Variants in PAPPA2 observed in about 807,000 individuals in gnomAD.
The protein encoded by PAPPA2 is pappalysin-2.
PAPPA2 carries 86 observed loss-of-function variants against 176.4 expected under a neutral mutation model. The observed-to-expected ratio is 0.49, with a 90% CI of 0.41 to 0.58. The LOEUF (loss-of-function observed/expected upper bound fraction) is 0.58. PAPPA2 is among the 20% of genes least tolerant of loss of function. PAPPA2 has a pLI of 0.00. For synonymous variants in PAPPA2, 809 were observed against 852.2 expected (o/e 0.95, Z 0.88); for missense variants, 2,073 against 2,256.9 (o/e 0.92, Z 1.65).
chr1:176,482,185 T>C (rs1293029986), intron 1 of PAPPA2, among the ~76,000 whole-genome samples: 10 of 152,212 alleles, frequency 6.6e-5, no homozygotes, highest in Admixed American at 6.5e-4. Context: ...TTCAACGCAA[T>C]TCAGAAAAGT....
chr1:176,752,359 A>AAAC (rs1191896935), intron 14 of PAPPA2, among the ~76,000 whole-genome samples: 92 of 151,842 alleles, frequency 6.1e-4, no homozygotes, highest in African/African-American at 1.9e-3. Context: ...AAAAAAAAAA[A>AAAC]AAAAAACATT....
chr1:176,639,221 C>A (rs1656918095), intron 3 of PAPPA2, among the ~76,000 whole-genome samples: 2 of 151,926 alleles, frequency 1.3e-5, no homozygotes, highest in South Asian at 2.1e-4. Context: ...TTTTGGTTGA[C>A]CCCCCTTTTT....
chr1:176,634,524 G>T (rs1029403159), intron 3 of PAPPA2, among the ~76,000 whole-genome samples: 1 of 151,858 alleles, frequency 6.6e-6, no homozygotes, highest in Non-Finnish European at 1.5e-5. Flanking sequence ...CACCAACATG[G>T]CACATGTATA....
At chr1:176,657,923 G>A (rs1033696334) in intron 3 of PAPPA2, among the ~76,000 whole-genome samples, 1 of 151,912 alleles carries the variant, frequency 6.6e-6, no homozygotes, top group African/African-American at 2.4e-5. Flanking sequence ...AACAATGAGG[G>A]ATTATCTGCC....
intron 2 of PAPPA2, among the ~76,000 whole-genome samples, chr1:176,588,750 G>C (rs1472995366): frequency 1.3e-5 from 2 of 152,218 alleles, no homozygotes; most frequent in Non-Finnish European, 2.9e-5. Context: ...CTGGGGGTCT[G>C]GCTCACTGAG....
intron 5 of PAPPA2, chr1:176,690,926 A>T (rs550739427): frequency 1.0e-6 from 1 of 985,202 alleles, no homozygotes; most frequent in East Asian, 1.1e-4. Context: ...AAAAAAAAAA[A>T]AAAAATCAGA....
chr1:176,531,915 T>C (rs191299088), intron 1 of PAPPA2, among the ~76,000 whole-genome samples: 3 of 152,332 alleles, frequency 2.0e-5, no homozygotes, highest in East Asian at 3.9e-4. Context: ...GTGTTAATGA[T>C]AGCACATCCA....
chr1:176,731,323 G>T (rs947832766), intron 12 of PAPPA2, among the ~76,000 whole-genome samples: 1 of 151,534 alleles, frequency 6.6e-6, no homozygotes, highest in Non-Finnish European at 1.5e-5. Flanking sequence ...ATTTTGAGAC[G>T]GAGTCTCACT....
intron 3 of PAPPA2, 152 bp from the exon 4 acceptor site, chr1:176,670,818 C>G: frequency 1.2e-6 from 1 of 863,998 alleles, no homozygotes; most frequent in Non-Finnish European, 1.8e-6. Flanking sequence ...GCCTTTTCTT[C>G]TGGTCTTCAT....
At chr1:176,483,100 T>A (rs1407606931) in intron 1 of PAPPA2, among the ~76,000 whole-genome samples, 1 of 152,162 alleles carries the variant, frequency 6.6e-6, no homozygotes, top group Non-Finnish European at 1.5e-5. Flanking sequence ...ATCAGTGCCA[T>A]TGGACATACT....
Position 176,711,886 on chromosome 1 carries a change from TG to T in PAPPA2, c.3705del (p.Trp1235CysfsTer23). ...DLPNHRPLTG[W>X]FPCVASENET... ...ACCCAACCACCGTCCCCTAACTGGC[TG>T]GTTTCCCTGTGTTGCCAGTGAAAAT... On this transcript the variant is annotated frameshift_variant, in exon 12 of 23. Transcript: ENST00000367662. LOFTEE classifies it high-confidence loss of function. 6.2e-7 allele frequency: 1 copy of T among 1,613,404 alleles called. No homozygotes were observed.
intron 6 of PAPPA2, among the ~76,000 whole-genome samples, chr1:176,694,308 C>T (rs7536369): frequency 0.077 from 11,656 of 152,246 alleles, 484 homozygotes; most frequent in South Asian, 0.14. Context: ...AAGTACTGGA[C>T]GCTCAATGGT....
intron 3 of PAPPA2, among the ~76,000 whole-genome samples, chr1:176,600,293 A>G (rs1385804535): frequency 6.6e-6 from 1 of 152,100 alleles, no homozygotes; most frequent in African/African-American, 2.4e-5. Context: ...AGAGATATAG[A>G]TCTTTGGGTT....
chr1:176,799,911 A>C, intron 20 of PAPPA2, 150 bp from the exon 21 acceptor site: 1 of 725,990 alleles, frequency 1.4e-6, no homozygotes. Flanking sequence ...GAAAGGCTAG[A>C]TAGCCCCAAT....
At chr1:176,738,373 C>T (rs973435872) in intron 12 of PAPPA2, among the ~76,000 whole-genome samples, 1 of 152,038 alleles carries the variant, frequency 6.6e-6, no homozygotes, top group Non-Finnish European at 1.5e-5. Flanking sequence ...TAAAATCATC[C>T]TAATTAAGCC....
intron 3 of PAPPA2, among the ~76,000 whole-genome samples, chr1:176,668,037 T>G (rs1658767300): frequency 6.6e-6 from 1 of 152,114 alleles, no homozygotes; most frequent in Non-Finnish European, 1.5e-5. Flanking sequence ...CACGGTAGAC[T>G]GGAAACCTGG....
chr1:176,516,256 A>C (rs1648906160), intron 1 of PAPPA2, among the ~76,000 whole-genome samples: 1 of 150,982 alleles, frequency 6.6e-6, no homozygotes, highest in Non-Finnish European at 1.5e-5. Flanking sequence ...CTCGGAGTCA[A>C]ATGAAGAGAG....
intron 1 of PAPPA2, among the ~76,000 whole-genome samples, chr1:176,538,227 C>T (rs1345618206): frequency 6.6e-6 from 1 of 152,154 alleles, no homozygotes; most frequent in Non-Finnish European, 1.5e-5. Flanking sequence ...TTCACTTCCC[C>T]AACAGTTGGG....
chr1:176,484,314 G>C (rs1652549223), intron 1 of PAPPA2, among the ~76,000 whole-genome samples: 1 of 152,114 alleles, frequency 6.6e-6, no homozygotes, highest in East Asian at 1.9e-4. Context: ...TAATATATAT[G>C]TGTATGTGTA....
Sources: gnomAD v4.1 joint callset for allele counts (sites outside exome capture counted in the v4.1 genomes callset) on GRCh38, gnomAD v4.1.1 for gene constraint, MANE v1.5 for transcripts, NCBI Gene and HGNC (gene_info 2026-07-23, HGNC 2026-07-21) for gene names.